Variants in LRFN2 observed in about 807,000 individuals in gnomAD.
LRFN2 encodes the protein leucine-rich repeat and fibronectin type-III domain-containing protein 2.
Under a neutral mutation model 37.3 loss-of-function variants are expected in LRFN2, and 18 were observed. The observed-to-expected ratio is 0.48, with a 90% confidence interval of 0.33 to 0.72. The LOEUF is 0.72. Among genes scored for constraint, LRFN2 ranks in the 30% least tolerant of loss-of-function variants. LRFN2 has a pLI of 0.02. For missense variants in LRFN2, 1,006 were observed against 1,060.7 expected (o/e 0.95, Z 0.72); for synonymous variants, 556 against 466.6 (o/e 1.19, Z -2.47).
At chr6:40,435,626 C>T (rs1763650951) in intron 1 of LRFN2, among the ~76,000 whole-genome samples, 1 of 152,094 alleles carries the variant, frequency 6.6e-6, no homozygotes, top group Admixed American at 6.5e-5. Context: ...GCAACCTCTG[C>T]CTCCCAGGTT....
At chr6:40,566,626 T>C (rs1420081285) in intron 1 of LRFN2, among the ~76,000 whole-genome samples, 1 of 150,704 alleles carries the variant, frequency 6.6e-6, no homozygotes, top group Non-Finnish European at 1.5e-5. Context: ...CAGCAAACTA[T>C]CACATGGACA....
At chr6:40,572,947 C>T (rs537743547) in intron 1 of LRFN2, among the ~76,000 whole-genome samples, 2 of 152,286 alleles carry the variant, frequency 1.3e-5, no homozygotes, top group South Asian at 4.1e-4. Context: ...AAGGACTGCA[C>T]GAGCCCATGT....
chr6:40,562,565 G>T (rs933838063), intron 1 of LRFN2, among the ~76,000 whole-genome samples: 1 of 152,142 alleles, frequency 6.6e-6, no homozygotes, highest in Non-Finnish European at 1.5e-5. Context: ...CCAGGATCCT[G>T]CAGTTCCATC....
chr6:40,579,102 C>T (rs114618740), intron 1 of LRFN2, among the ~76,000 whole-genome samples: 4,029 of 152,300 alleles, frequency 0.026, 90 homozygotes, highest in Admixed American at 0.039. Flanking sequence ...AACCACTCTG[C>T]GATTGCAAGC....
chr6:40,465,922 T>C (rs1764451241), intron 1 of LRFN2, among the ~76,000 whole-genome samples: 1 of 151,674 alleles, frequency 6.6e-6, no homozygotes, highest in Non-Finnish European at 1.5e-5. Context: ...AAAGAAAAGG[T>C]TGTGGGGGTG....
chr6:40,484,415 C>T (rs1581741033), intron 1 of LRFN2, among the ~76,000 whole-genome samples: 1 of 152,222 alleles, frequency 6.6e-6, no homozygotes, highest in Non-Finnish European at 1.5e-5. Flanking sequence ...AAAGCAGTCC[C>T]TCCTGGCAGC....
chr6:40,435,590 G>T (rs1169278258), intron 1 of LRFN2, among the ~76,000 whole-genome samples: 2 of 152,016 alleles, frequency 1.3e-5, no homozygotes, highest in Non-Finnish European at 2.9e-5. Context: ...CCAGGCTGGA[G>T]TACAGTGGCA....
intron 1 of LRFN2, among the ~76,000 whole-genome samples, chr6:40,492,237 G>A (rs1225475532): frequency 6.6e-6 from 1 of 152,220 alleles, no homozygotes; most frequent in African/African-American, 2.4e-5. Flanking sequence ...ACATGAAAGA[G>A]CCCTCCCCTG....
rs183178623 is a variant in LRFN2, at chr6:40,506,145, G to A, written c.-18-73014C>T. 2.0e-5 allele frequency among the ~76,000 whole-genome samples: 3 copies of A among 152,324 alleles called. No homozygotes were observed. In the East Asian group the frequency reaches 5.8e-4, roughly 29 times the overall value. ...CTTCTTATTCCAGCATTCTCAAAGT[G>A]CAGAAGGAAGGAAAGCTTCTCTGCC... On this transcript the variant is annotated intron_variant, in intron 1 of 2. Transcript: ENST00000338305.
chr6:40,465,618 C>A (rs1049314899), intron 1 of LRFN2, among the ~76,000 whole-genome samples: 1 of 152,078 alleles, frequency 6.6e-6, no homozygotes, highest in African/African-American at 2.4e-5. Context: ...GATATTTGAC[C>A]ACAAAAACCT....
chr6:40,554,841 G>C (rs970659275), intron 1 of LRFN2, among the ~76,000 whole-genome samples: 1 of 152,008 alleles, frequency 6.6e-6, no homozygotes, highest in African/African-American at 2.4e-5. Flanking sequence ...ACAGTTTCTT[G>C]GTTAAAAGTC....
Position 40,392,469 on chromosome 6 carries a change from A to G in LRFN2, c.1844T>C (p.Leu615Pro). 6.4e-7 allele frequency: 1 copy of G among 1,569,830 alleles called. No homozygotes were observed. The highest frequency in any genetic ancestry group is 8.6e-7 in the Non-Finnish European group (1 of 1,157,822). Residue 615 changes from leucine (L) to proline (P), a missense_variant, in exon 3 of 3, where the codon CTG (leucine) becomes CCG (proline). Around this residue, in one of 4 missense-constraint regions of LRFN2, gnomAD observed 398 missense variants for 327.6 expected, o/e 1.21. Transcript: ENST00000338305. The surrounding 1 kb of genome is among the most constrained non-coding windows in gnomAD (Gnocchi z 4.7). The stretch of plus-strand genomic sequence containing the variant: ...GGAAGAGGAGTCACTGGCGCGGGCC[A>G]GGCTGGCGGTGAAGTCCAGGAGCTC... The part of the protein sequence containing the change: ...RNELLDFTAS[L>P]ARASDSSSSS...
chr6:40,447,799 G>A (rs1195129163), intron 1 of LRFN2, among the ~76,000 whole-genome samples: 3 of 152,096 alleles, frequency 2.0e-5, no homozygotes. Flanking sequence ...CTAGTAGGTG[G>A]TCCACCTAGT....
intron 2 of LRFN2, among the ~76,000 whole-genome samples, chr6:40,413,841 G>A (rs896927332): frequency 3.3e-5 from 5 of 151,936 alleles, no homozygotes; most frequent in African/African-American, 1.2e-4. Flanking sequence ...TCCTCCTTAT[G>A]TGCAGGTGGG....
intron 1 of LRFN2, among the ~76,000 whole-genome samples, chr6:40,475,182 C>A (rs1265099129): frequency 1.3e-5 from 2 of 152,214 alleles, no homozygotes; most frequent in Non-Finnish European, 2.9e-5. Context: ...TGGGCACCAG[C>A]ACTGAGCCTA....
intron 1 of LRFN2, among the ~76,000 whole-genome samples, chr6:40,573,773 T>A (rs904411440): frequency 2.0e-5 from 3 of 152,086 alleles, no homozygotes; most frequent in Non-Finnish European, 2.9e-5. Context: ...AGGTCATGAG[T>A]TCGAGACCAG....
At chr6:40,438,102 C>A (rs1028501407) in intron 1 of LRFN2, among the ~76,000 whole-genome samples, 3 of 152,096 alleles carry the variant, frequency 2.0e-5, no homozygotes, top group Non-Finnish European at 4.4e-5. Flanking sequence ...TGCAAAGGAG[C>A]GAGAGCTTGT....
intron 1 of LRFN2, among the ~76,000 whole-genome samples, chr6:40,498,024 C>A (rs371118316): frequency 2.6e-5 from 4 of 152,032 alleles, no homozygotes; most frequent in African/African-American, 9.7e-5. Flanking sequence ...CTGAGGGGAG[C>A]AAAGGATGGG....
chr6:40,419,606 G>T (rs950144120), intron 2 of LRFN2, among the ~76,000 whole-genome samples: 1 of 152,184 alleles, frequency 6.6e-6, no homozygotes, highest in African/African-American at 2.4e-5. Flanking sequence ...TATGCAACAT[G>T]GTTGTGGCAG....
Sources: allele counts gnomAD v4.1 joint callset (sites outside exome capture counted in the v4.1 genomes callset), GRCh38; gene constraint gnomAD v4.1.1; regional missense constraint gnomAD v4.1.1; non-coding constraint Gnocchi (gnomAD v3.1); transcripts MANE v1.5; gene names NCBI Gene and HGNC (gene_info 2026-07-23, HGNC 2026-07-21).